Variants in LRP1B observed in about 807,000 individuals in gnomAD.
LRP1B encodes low-density lipoprotein receptor-related protein 1B.
LRP1B carries 217 observed loss-of-function variants against 556.6 expected under a neutral mutation model. The observed-to-expected ratio is 0.39, with a 90% CI of 0.35 to 0.44. The LOEUF (loss-of-function observed/expected upper bound fraction) is 0.44, where lower values mean the gene tolerates loss of function less well. LRP1B is among the 20% of genes least tolerant of loss of function. The pLI is 1.00. For synonymous variants in LRP1B, 2,047 were observed against 1,865.8 expected (o/e 1.10, Z -2.50); for missense variants, 5,053 against 5,620.8 (o/e 0.90, Z 3.23).
chr2:140,963,926 A>G (rs2105318795), intron 18 of LRP1B, among the ~76,000 whole-genome samples: 1 of 152,302 alleles, frequency 6.6e-6, no homozygotes, highest in Non-Finnish European at 1.5e-5. Context: ...ATAAAGACAC[A>G]AGATAAACAG....
At chr2:141,935,854 G>C (rs1434401601) in intron 1 of LRP1B, among the ~76,000 whole-genome samples, 1 of 152,208 alleles carries the variant, frequency 6.6e-6, no homozygotes. Flanking sequence ...CTGGGAGGCT[G>C]AAGTGGGAGG....
At position 141,698,063 on chromosome 2, in the gene LRP1B, T is replaced by C. The variant is rs146380039; in HGVS notation, c.205+112216A>G. Among the ~76,000 whole-genome samples, 209 of 152,084 alleles carry C rather than the reference T, an allele frequency of 1.4e-3. 1 individual carries two copies. The highest frequency in any genetic ancestry group is 4.9e-3 in the African/African-American group (203 of 41,532). On this transcript the variant is annotated intron_variant, in intron 2 of 90. Transcript: ENST00000389484. Reference sequence around the variant, plus strand: ...AGTCATCTCTTGGAAGGACAGTTGCTGCTTTTTCAGAGAAAAGCTTAAAGG... The same window carrying C: ...AGTCATCTCTTGGAAGGACAGTTGCCGCTTTTTCAGAGAAAAGCTTAAAGG...
At chr2:140,988,563 A>G (rs1051264840) in intron 17 of LRP1B, among the ~76,000 whole-genome samples, 1 of 152,106 alleles carries the variant, frequency 6.6e-6, no homozygotes, top group African/African-American at 2.4e-5. Flanking sequence ...TGCTGGAAAA[A>G]AAAGCTCAAG....
chr2:140,629,216 G>A (rs1683789200), intron 41 of LRP1B, among the ~76,000 whole-genome samples: 1 of 150,662 alleles, frequency 6.6e-6, no homozygotes, highest in South Asian at 2.1e-4. Context: ...ACCATATCCA[G>A]CTAATTCTTT....
intron 1 of LRP1B, among the ~76,000 whole-genome samples, chr2:141,857,926 C>A (rs1472418875): frequency 6.6e-6 from 1 of 152,104 alleles, no homozygotes; most frequent in African/African-American, 2.4e-5. Context: ...CCATTTCCCA[C>A]TTGATACTAT....
chr2:140,557,451 A>G (rs978755488), intron 43 of LRP1B, among the ~76,000 whole-genome samples: 1 of 152,146 alleles, frequency 6.6e-6, no homozygotes, highest in African/African-American at 2.4e-5. Context: ...AAATGTGTAA[A>G]AGTGGCATCT....
intron 2 of LRP1B, among the ~76,000 whole-genome samples, chr2:141,542,324 T>C (rs1427615194): frequency 6.6e-6 from 1 of 151,986 alleles, no homozygotes; most frequent in Non-Finnish European, 1.5e-5. Flanking sequence ...CATTATAAGC[T>C]TTCTATGATT....
intron 86 of LRP1B, among the ~76,000 whole-genome samples, chr2:140,255,456 CTA>C (rs1237976914): frequency 6.6e-6 from 1 of 152,092 alleles, no homozygotes; most frequent in Non-Finnish European, 1.5e-5. Flanking sequence ...CACAAATATA[CTA>C]TATTTTTTAT....
At chr2:140,868,356 G>A in intron 25 of LRP1B, 93 bp from the exon 26 acceptor site, 11 of 1,152,614 alleles carry the variant, frequency 9.5e-6, no homozygotes, top group Non-Finnish European at 1.3e-5. Flanking sequence ...CTAGGCACTG[G>A]ATAGGTGATA....
chr2:141,994,164 T>C (rs1702422501), intron 1 of LRP1B, among the ~76,000 whole-genome samples: 1 of 152,200 alleles, frequency 6.6e-6, no homozygotes, highest in Admixed American at 6.6e-5. Flanking sequence ...ATCACTTTTG[T>C]CTGTTCTCCG....
At chr2:141,170,810 A>C (rs1302372571) in intron 7 of LRP1B, among the ~76,000 whole-genome samples, 1 of 152,124 alleles carries the variant, frequency 6.6e-6, no homozygotes, top group East Asian at 1.9e-4. Context: ...TTCATAGCTC[A>C]GTGATTACAC....
At chr2:141,491,145 T>A (rs1440781174) in intron 2 of LRP1B, among the ~76,000 whole-genome samples, 1 of 152,136 alleles carries the variant, frequency 6.6e-6, no homozygotes, top group African/African-American at 2.4e-5. Context: ...GATTCTCATA[T>A]CACATTTCTT....
At chr2:141,893,534 C>T (rs1699352916) in intron 1 of LRP1B, among the ~76,000 whole-genome samples, 1 of 152,046 alleles carries the variant, frequency 6.6e-6, no homozygotes, top group Admixed American at 6.6e-5. Context: ...AATTTGTAGA[C>T]CAAATTTTTT....
At chr2:141,810,498 G>A (rs2105708324) in intron 1 of LRP1B, 97 bp from the exon 2 acceptor site, 3 of 1,261,032 alleles carry the variant, frequency 2.4e-6, no homozygotes, top group South Asian at 2.8e-5. Flanking sequence ...ATACATAAAA[G>A]GTACATGAAT....
At chr2:140,909,786 T>C (rs1694362265) in intron 21 of LRP1B, among the ~76,000 whole-genome samples, 1 of 150,922 alleles carries the variant, frequency 6.6e-6, no homozygotes, top group Admixed American at 6.6e-5. Context: ...GGTAGCTAGT[T>C]TCAAAATTAA....
intron 84 of LRP1B, among the ~76,000 whole-genome samples, chr2:140,297,353 T>G (rs899817262): frequency 6.6e-6 from 1 of 150,982 alleles, no homozygotes; most frequent in African/African-American, 2.4e-5. Context: ...AGTGGGAGAG[T>G]CAATGGATTA....
intron 41 of LRP1B, among the ~76,000 whole-genome samples, chr2:140,611,689 G>C (rs1306618143): frequency 6.6e-6 from 1 of 151,904 alleles, no homozygotes; most frequent in Non-Finnish European, 1.5e-5. Context: ...AATATGAAAA[G>C]GTGTTAAGAA....
intron 3 of LRP1B, among the ~76,000 whole-genome samples, chr2:141,475,142 G>T (rs201271750): frequency 2.6e-5 from 4 of 152,122 alleles, no homozygotes; most frequent in Admixed American, 6.5e-5. Context: ...GGGAGGCAAC[G>T]CAGGTGGATC....
At chr2:141,161,121 C>G (rs1262491764) in intron 7 of LRP1B, among the ~76,000 whole-genome samples, 1 of 151,986 alleles carries the variant, frequency 6.6e-6, no homozygotes, top group Middle Eastern at 3.2e-3. Context: ...TTTCTTCTAT[C>G]CATCATCTAA....
Sources: allele counts gnomAD v4.1 joint callset (sites outside exome capture counted in the v4.1 genomes callset), GRCh38; gene constraint gnomAD v4.1.1; transcripts MANE v1.5; gene names NCBI Gene and HGNC (gene_info 2026-07-23, HGNC 2026-07-21).